Variants in NBEAL1 observed in about 807,000 individuals in gnomAD.
The protein encoded by NBEAL1 is neurobeachin like 1, also known as neurobeachin-like protein 1.
In NBEAL1, 273 loss-of-function variants were observed where a neutral mutation model predicts 351.3. The observed-to-expected ratio is 0.78, with a 90% CI of 0.70 to 0.86. The LOEUF is 0.86. NBEAL1 is among the 40% of genes least tolerant of loss of function. The probability of loss-of-function intolerance (pLI) is 0.00; values close to 1 mark genes in which losing one functional copy is unlikely to be tolerated. For synonymous variants in NBEAL1, 1,050 were observed against 1,086.4 expected, an observed-to-expected ratio of 0.97 and a Z score of 0.66; for missense variants, 2,961 against 3,201.3, an observed-to-expected ratio of 0.92 and a Z score of 1.81.
In NBEAL1 at chr2:203,130,387, C is replaced by A. The variant is rs1252652668; in HGVS notation, c.3475C>A (p.Leu1159Met). The change falls in exon 25 of 56, where the codon CTG becomes ATG. Residue 1159 changes from leucine (L) to methionine (M), a missense_variant. Coordinates refer to ENST00000683969, the MANE Select transcript of NBEAL1 (RefSeq NM_001378026.1). Reference protein sequence around the residue: ...TSPTRGQLFLLLFEPGNADIL... With the variant: ...TSPTRGQLFLMLFEPGNADIL... ...CCCAACCAGAGGTCAGCTTTTCTTA[C>A]TGCTTTTTGAACCAGGAAATGCTGA... 1.3e-6 allele frequency: 2 copies of A among 1,535,568 alleles called. No homozygotes were observed. The highest frequency in any genetic ancestry group is 1.8e-6 in the Non-Finnish European group (2 of 1,141,216).
At chr2:203,058,173 C>G (rs2061437020) in intron 6 of NBEAL1, among the ~76,000 whole-genome samples, 2 of 151,912 alleles carry the variant, frequency 1.3e-5, no homozygotes, top group African/African-American at 4.8e-5. Context: ...TCATCAGGAT[C>G]CCATAAGGAA....
rs1245299994 is a variant in NBEAL1, at chr2:203,191,314, C to T, written c.6921+925C>T. ...AATATTTCAATAAAGGATCATTTGA[C>T]AACTGAAAAAAAAAAAAAAAAGAAT... On this transcript the variant is annotated intron_variant, in intron 46 of 55. Coordinates refer to ENST00000683969, the MANE Select transcript of NBEAL1 (RefSeq NM_001378026.1). The T allele has an allele frequency of 1.3e-5, 7 of 521,986 alleles. No homozygotes were observed. The African/African-American group carries it at 2.1e-4, about 16-fold the overall frequency. The allele number at this position is 521,986 out of a possible 1,614,324, so 32.3% of individuals were successfully genotyped here.
chr2:203,166,759 TG>T (rs2106396074), intron 37 of NBEAL1, among the ~76,000 whole-genome samples: 1 of 152,052 alleles, frequency 6.6e-6, no homozygotes, highest in Admixed American at 6.6e-5. Flanking sequence ...TTCTTCATGT[TG>T]GTCAGGCTGG....
intron 3 of NBEAL1, among the ~76,000 whole-genome samples, chr2:203,046,905 T>TG (rs1002960102): frequency 1.3e-5 from 2 of 152,180 alleles, no homozygotes; most frequent in Non-Finnish European, 2.9e-5. Context: ...TCGGATGCAG[T>TG]GGCTTCTGCC....
rs2065301695 is a variant in NBEAL1, at chr2:203,198,564, T to C, written c.7129-774T>C. ...GAGAAATCATGAGAAAAAATAATCT[T>C]CCTAAAGAAAGATAAATTGGGCTGA... On this transcript the variant is annotated intron_variant, in intron 48 of 55. Transcript: ENST00000683969. Among the ~76,000 whole-genome samples, 3 of 152,058 alleles carry C rather than the reference T, an allele frequency of 2.0e-5. No individual in the cohort carries two copies. In the South Asian group the frequency reaches 6.2e-4, roughly 32 times the overall value.
At chr2:203,038,382 T>C (rs1288136445) in intron 2 of NBEAL1, among the ~76,000 whole-genome samples, 4 of 149,210 alleles carry the variant, frequency 2.7e-5, no homozygotes, top group Non-Finnish European at 4.5e-5. Flanking sequence ...ATAGTTTTTC[T>C]ACTTTTAGCC....
chr2:203,028,407 T>G (rs781007421), intron 2 of NBEAL1, among the ~76,000 whole-genome samples: 14 of 152,064 alleles, frequency 9.2e-5, no homozygotes, highest in Non-Finnish European at 2.1e-4. Context: ...ATATATAACT[T>G]AATTGTAGAA....
chr2:203,160,077 AT>A (rs34866290), intron 36 of NBEAL1, among the ~76,000 whole-genome samples: 55,533 of 127,486 alleles, frequency 0.44, 11,390 homozygotes, highest in East Asian at 0.62. Context: ...GCCCCCCGCT[AT>A]TTTTTTTTTT....
intron 11 of NBEAL1, among the ~76,000 whole-genome samples, chr2:203,099,207 C>T (rs764069589): frequency 3.3e-5 from 5 of 149,956 alleles, no homozygotes; most frequent in Non-Finnish European, 7.4e-5. Flanking sequence ...ACCTGGGAGG[C>T]GGAGGTTGCA....
rs1488603546 is a variant in NBEAL1 at position 203,219,134 on chromosome 2, GCTAT to G, written c.*1783_*1786del. On this transcript the variant is annotated 3_prime_UTR_variant, in exon 56 of 56. Coordinates refer to ENST00000683969, the MANE Select transcript of NBEAL1 (RefSeq NM_001378026.1). ...GTGCTTCACCCGTGGTGCCACCGTGGCTATCTTTTTTTTTATCTTACAGTTTTTT... is the reference window on the plus strand; with the variant it reads ...GTGCTTCACCCGTGGTGCCACCGTGGCTTTTTTTTTATCTTACAGTTTTTT... 1 of 151,996 alleles carries G rather than the reference GCTAT, an allele frequency of 6.6e-6. No homozygotes were observed. Among genetic ancestry groups the G allele is most frequent in the African/African-American group, 2.4e-5 (1 of 41,396 alleles). The allele number at this position is 151,996 out of a possible 1,614,324, so 9.4% of individuals were successfully genotyped here.
chr2:203,145,226 A>T, intron 33 of NBEAL1, 66 bp downstream of exon 33: 1 of 1,379,764 alleles, frequency 7.2e-7, no homozygotes, highest in Non-Finnish European at 9.8e-7. Context: ...ATTGATTAAG[A>T]GTAATACAGG....
intron 6 of NBEAL1, among the ~76,000 whole-genome samples, chr2:203,064,381 C>T (rs972805605): frequency 5.9e-5 from 9 of 152,086 alleles, no homozygotes; most frequent in Admixed American, 3.3e-4. Context: ...TGTCTCCCCA[C>T]GATTACTTAT....
chr2:203,042,785 A>G (rs972021122), intron 3 of NBEAL1, among the ~76,000 whole-genome samples: 4 of 151,926 alleles, frequency 2.6e-5, no homozygotes, highest in African/African-American at 9.7e-5. Flanking sequence ...ACAGGGTTTC[A>G]CCATGTTGGC....
At chr2:203,079,672 T>G (rs2061838385) in intron 8 of NBEAL1, among the ~76,000 whole-genome samples, 2 of 152,146 alleles carry the variant, frequency 1.3e-5, no homozygotes, top group African/African-American at 4.8e-5. Context: ...CATATTTAAA[T>G]TATAATTTAA....
chr2:203,090,922 A>G (rs1252219830), intron 10 of NBEAL1, among the ~76,000 whole-genome samples: 2 of 151,952 alleles, frequency 1.3e-5, no homozygotes, highest in East Asian at 1.9e-4. Flanking sequence ...AAGGAAGGAA[A>G]GGGAAAAGGA....
intron 53 of NBEAL1, among the ~76,000 whole-genome samples, chr2:203,209,923 T>A (rs1255240823): frequency 2.6e-5 from 4 of 152,056 alleles, no homozygotes; most frequent in African/African-American, 4.8e-5. Context: ...TAGTTTTTTT[T>A]AATTTTTGTT....
chr2:203,099,371 TAA>T (rs2062257417), intron 11 of NBEAL1, among the ~76,000 whole-genome samples: 1 of 152,164 alleles, frequency 6.6e-6, no homozygotes, highest in African/African-American at 2.4e-5. Flanking sequence ...AAGCATGTGT[TAA>T]GCTTGTTTTT....
intron 43 of NBEAL1, chr2:203,182,053 A>G (rs2064733263): frequency 6.6e-6 from 1 of 152,230 alleles, no homozygotes; most frequent in Non-Finnish European, 1.5e-5. Flanking sequence ...CAAATATATC[A>G]ATTAGAATGC....
At position 203,193,804 on chromosome 2, in the gene NBEAL1, C is replaced by T; in HGVS notation, c.6931C>T (p.Pro2311Ser). The T allele has an allele frequency of 6.2e-7, 1 of 1,607,758 alleles. No homozygotes were observed. The highest frequency in any genetic ancestry group is 1.1e-5 in the South Asian group (1 of 90,138). The change falls in exon 47 of 56, where the codon CCT becomes TCT. Residue 2311 changes from proline (P) to serine (S), a missense_variant. Physicochemically the swap from Pro to Ser is moderately conservative, Grantham distance 74. Transcript: ENST00000683969. ...TPCQLLKEPHPPRLSAEEAVQ... is the reference protein window; with the variant it reads ...TPCQLLKEPHSPRLSAEEAVQ... ...TAAAATTATTTTGAAGGAACCACAC[C>T]CTCCAAGATTATCAGCAGAAGAAGC...
Sources: allele counts gnomAD v4.1 joint callset (sites outside exome capture counted in the v4.1 genomes callset), GRCh38; gene constraint gnomAD v4.1.1; transcripts MANE v1.5; gene names NCBI Gene and HGNC (gene_info 2026-07-23, HGNC 2026-07-21).